Variants in RHCE observed in about 807,000 individuals in gnomAD.
RHCE encodes the protein Rh blood group CcEe antigens, also known as blood group Rh(CE) polypeptide.
Under a neutral mutation model 43.8 loss-of-function variants are expected in RHCE, and 22 were observed. That is an observed-to-expected ratio of 0.50 (90% CI 0.36 to 0.72). The LOEUF (loss-of-function observed/expected upper bound fraction) is 0.72. Ranked by LOEUF, RHCE falls within the 30% of genes least tolerant of loss-of-function variation. The pLI is 0.00. For missense variants in RHCE, 385 were observed against 525.4 expected, an observed-to-expected ratio of 0.73 and a Z score of 2.61; for synonymous variants, 156 against 210.7, an observed-to-expected ratio of 0.74 and a Z score of 2.25.
intron 3 of RHCE, among the ~76,000 whole-genome samples, chr1:25,396,800 C>T (rs1438023624): frequency 6.6e-6 from 1 of 152,094 alleles, no homozygotes; most frequent in Admixed American, 6.6e-5. Flanking sequence ...GAGGGGGATA[C>T]AGAACCCAAC....
chr1:25,428,099 T>C (rs1379883481), intron 2 of RHCE, among the ~76,000 whole-genome samples: 1 of 152,190 alleles, frequency 6.6e-6, no homozygotes, highest in Non-Finnish European at 1.5e-5. Context: ...TGCCACAGCA[T>C]GAGATGCCCT....
At chr1:25,372,649 A>T (rs183339387) in intron 8 of RHCE, among the ~76,000 whole-genome samples, 1 of 151,880 alleles carries the variant, frequency 6.6e-6, no homozygotes, top group Admixed American at 6.5e-5. Flanking sequence ...CTGGGCTGAG[A>T]AACCCAATAA....
chr1:25,418,874 C>A (rs544621400), intron 1 of RHCE, among the ~76,000 whole-genome samples: 23 of 152,142 alleles, frequency 1.5e-4, no homozygotes, highest in Non-Finnish European at 2.6e-4. Flanking sequence ...TTTGTACCTA[C>A]GTTAGTAGCA....
intron 8 of RHCE, among the ~76,000 whole-genome samples, chr1:25,373,875 G>A (rs1333537212): frequency 6.7e-6 from 1 of 149,466 alleles, no homozygotes; most frequent in African/African-American, 2.5e-5. Context: ...CTGTCACCTA[G>A]GCTGGTGCAA....
At chr1:25,400,134 CCTCT>C in intron 3 of RHCE, among the ~76,000 whole-genome samples, 1 of 152,222 alleles carries the variant, frequency 6.6e-6, no homozygotes, top group Middle Eastern at 3.4e-3. Context: ...TCAGATTTTT[CCTCT>C]CTATCGGATT....
chr1:25,370,879 G>A (rs1645587595), intron 8 of RHCE, among the ~76,000 whole-genome samples: 1 of 148,608 alleles, frequency 6.7e-6, no homozygotes, highest in Non-Finnish European at 1.5e-5. Context: ...CTCCCAAGTA[G>A]CTAAGATTAT....
intron 1 of RHCE, among the ~76,000 whole-genome samples, chr1:25,411,811 G>T (rs1464597391): frequency 6.6e-6 from 1 of 152,176 alleles, no homozygotes; most frequent in African/African-American, 2.4e-5. Flanking sequence ...GGAGCAGTGA[G>T]GCTTGTGTTC....
intron 6 of RHCE, among the ~76,000 whole-genome samples, chr1:25,387,041 A>C (rs530118924): frequency 6.6e-6 from 1 of 152,294 alleles, no homozygotes; most frequent in African/African-American, 2.4e-5. Context: ...AATAAATAAA[A>C]AAATAAGTAA....
chr1:25,380,604 AGTGCCAT>A (rs1645963139), intron 7 of RHCE, among the ~76,000 whole-genome samples: 1 of 152,186 alleles, frequency 6.6e-6, no homozygotes, highest in African/African-American at 2.4e-5. Flanking sequence ...CTGCAAAATT[AGTGCCAT>A]GTGTATGCTG....
upstream of RHCE, among the ~76,000 whole-genome samples, chr1:25,424,963 T>C (rs1003964143): frequency 1.1e-4 from 17 of 151,924 alleles, no homozygotes; most frequent in East Asian, 3.9e-4. Flanking sequence ...ACTACAGGCA[T>C]GAGCCACCAC....
intron 7 of RHCE, among the ~76,000 whole-genome samples, chr1:25,378,029 T>C (rs1199832403): frequency 1.3e-5 from 2 of 152,178 alleles, no homozygotes; most frequent in Admixed American, 1.3e-4. Context: ...CTAACTTGAA[T>C]AGACATTTCA....
intron 3 of RHCE, among the ~76,000 whole-genome samples, 184 bp from the exon 4 acceptor site, chr1:25,392,325 G>A (rs1318566839): frequency 2.6e-5 from 4 of 152,150 alleles, no homozygotes; most frequent in Admixed American, 6.5e-5. Context: ...GCAATGGCAC[G>A]ATCTCGGCTC....
chr1:25,379,480 TATATATATATA>T (rs1225754037), intron 7 of RHCE, among the ~76,000 whole-genome samples: 22 of 10,348 alleles, frequency 2.1e-3, no homozygotes, highest in East Asian at 3.9e-3. Context: ...TATATATATA[TATATATATATA>T]TATATTTTTT....
At chr1:25,420,268 C>T (rs1265337332) in intron 1 of RHCE, among the ~76,000 whole-genome samples, 1 of 152,130 alleles carries the variant, frequency 6.6e-6, no homozygotes, top group Admixed American at 6.5e-5. Flanking sequence ...CATAAGCTAG[C>T]TGCACTTGTA....
chr1:25,378,821 C>T (rs984953927), intron 7 of RHCE, among the ~76,000 whole-genome samples: 2 of 152,154 alleles, frequency 1.3e-5, no homozygotes, highest in African/African-American at 4.8e-5. Flanking sequence ...CTGTGAACAA[C>T]AAAACTTTCC....
intron 7 of RHCE, among the ~76,000 whole-genome samples, chr1:25,384,392 C>G (rs1557610149): frequency 6.8e-6 from 1 of 147,362 alleles, no homozygotes; most frequent in African/African-American, 2.5e-5. Context: ...CCTTCACTGG[C>G]TTTTTTTTTT....
chr1:25,388,043 T>C (rs1350900061), intron 6 of RHCE, among the ~76,000 whole-genome samples: 2 of 151,820 alleles, frequency 1.3e-5, no homozygotes, highest in South Asian at 2.1e-4. Flanking sequence ...GGTCTTGAAC[T>C]CCTGACCTCA....
chr1:25,362,256 A>T lies in RHCE; in HGVS notation c.*271T>A. 1.5e-6 allele frequency: 1 copy of T among 674,146 alleles called. No homozygotes were observed. Among genetic ancestry groups the T allele is most frequent in the Non-Finnish European group, 2.4e-6 (1 of 410,086 alleles). 41.8% of individuals were successfully genotyped at this position (674,146 alleles called of 1,614,324 possible). ...AATCTTAAGAATTGTCAATAAAATT[A>T]ACCCAAAACTTTAATAATGTGTCTG... On this transcript the variant is annotated 3_prime_UTR_variant, in exon 10 of 10. Coordinates refer to ENST00000294413, the MANE Select transcript of RHCE (RefSeq NM_020485.8).
At chr1:25,405,189 C>A (rs2124486676) in intron 2 of RHCE, among the ~76,000 whole-genome samples, 1 of 152,018 alleles carries the variant, frequency 6.6e-6, no homozygotes, top group East Asian at 1.9e-4. Flanking sequence ...GAGGTCCTGT[C>A]TCTGCAGAAG....
Sources: gnomAD v4.1 joint callset for allele counts (sites outside exome capture counted in the v4.1 genomes callset) on GRCh38, gnomAD v4.1.1 for gene constraint, MANE v1.5 for transcripts, NCBI Gene and HGNC (gene_info 2026-07-23, HGNC 2026-07-21) for gene names.